Variants in NMNAT2 observed in about 807,000 individuals in gnomAD.
NMNAT2 encodes nicotinamide nucleotide adenylyltransferase 2.
A neutral mutation model predicts 41.6 loss-of-function variants in NMNAT2; 11 were observed. That is an observed-to-expected ratio of 0.26 (90% CI 0.17 to 0.44). NMNAT2 has a LOEUF of 0.44. Ranked by LOEUF, NMNAT2 falls within the 20% of genes least tolerant of loss-of-function variation. The pLI, the probability that NMNAT2 is intolerant of heterozygous loss-of-function variation, is 1.00. For synonymous variants in NMNAT2, 148 were observed against 151.2 expected (o/e 0.98, Z 0.16); for missense variants, 288 against 407.7 (o/e 0.71, Z 2.53).
At chr1:183,265,798 C>T (rs950981713) in intron 8 of NMNAT2, among the ~76,000 whole-genome samples, 10 of 152,090 alleles carry the variant, frequency 6.6e-5, no homozygotes, top group African/African-American at 1.9e-4. Context: ...ATCTCTGGAA[C>T]CTGTGAATAT....
chr1:183,386,930 C>A (rs1002657796), intron 1 of NMNAT2, among the ~76,000 whole-genome samples: 1 of 151,754 alleles, frequency 6.6e-6, no homozygotes, highest in Non-Finnish European at 1.5e-5. Flanking sequence ...TAGTTAAATG[C>A]GAAGATGTTT....
At chr1:183,372,211 C>T (rs1327523789) in intron 1 of NMNAT2, among the ~76,000 whole-genome samples, 1 of 152,174 alleles carries the variant, frequency 6.6e-6, no homozygotes, top group Non-Finnish European at 1.5e-5. Flanking sequence ...CAAGGGCGTG[C>T]CTCTCAAGGA....
At chr1:183,324,555 C>A (rs1662421774) in intron 1 of NMNAT2, among the ~76,000 whole-genome samples, 1 of 152,148 alleles carries the variant, frequency 6.6e-6, no homozygotes, top group South Asian at 2.1e-4. Context: ...TCAGTTCAAG[C>A]CTCTCTGCCA....
At chr1:183,344,564 G>A (rs995859232) in intron 1 of NMNAT2, among the ~76,000 whole-genome samples, 1 of 152,154 alleles carries the variant, frequency 6.6e-6, no homozygotes, top group Non-Finnish European at 1.5e-5. Flanking sequence ...CACTTAGTAG[G>A]TGCTTTATAA....
At chr1:183,351,913 G>A (rs1156281898) in intron 1 of NMNAT2, among the ~76,000 whole-genome samples, 1 of 152,150 alleles carries the variant, frequency 6.6e-6, no homozygotes. Flanking sequence ...TGTGATTTGT[G>A]AGGACATAAC....
rs376350446 is a variant in NMNAT2, at chr1:183,263,614, C to T, written c.652-2311G>A. 1.3e-4 allele frequency among the ~76,000 whole-genome samples: 20 copies of T among 152,144 alleles called. No homozygotes were observed. The East Asian group carries it at 2.7e-3, about 21-fold the overall frequency. ...CGGGTGGATCACGAGGTCAGGAGAT[C>T]GAGACCACGGTGAAACCCTGTCTCT... On this transcript the variant is annotated intron_variant, in intron 8 of 10. Coordinates refer to ENST00000287713, the MANE Select transcript of NMNAT2 (RefSeq NM_015039.4).
chr1:183,374,307 T>TCTGG (rs1011500264), intron 1 of NMNAT2, among the ~76,000 whole-genome samples: 1 of 152,158 alleles, frequency 6.6e-6, no homozygotes, highest in Non-Finnish European at 1.5e-5. Flanking sequence ...CCCCCCTGGC[T>TCTGG]CTGGGCACCT....
intron 7 of NMNAT2, among the ~76,000 whole-genome samples, chr1:183,280,952 ATTTTGTAT>A (rs1301943316): frequency 1.3e-5 from 2 of 149,462 alleles, no homozygotes; most frequent in Non-Finnish European, 3.0e-5. Flanking sequence ...CACCCGGCTA[ATTTTGTAT>A]TTTTAGTAGA....
At chr1:183,262,842 G>C (rs566387155) in intron 8 of NMNAT2, among the ~76,000 whole-genome samples, 2 of 152,192 alleles carry the variant, frequency 1.3e-5, no homozygotes, top group Non-Finnish European at 1.5e-5. Flanking sequence ...GATCCCAGAT[G>C]GGGGAAGAGG....
intron 10 of NMNAT2, among the ~76,000 whole-genome samples, chr1:183,259,240 G>T (rs79157659): frequency 6.6e-6 from 1 of 152,112 alleles, no homozygotes; most frequent in East Asian, 1.9e-4. Context: ...TCTGCATGGC[G>T]ACTCTAATGT....
chr1:183,288,558 G>C (rs927930976), intron 4 of NMNAT2, among the ~76,000 whole-genome samples: 1 of 152,196 alleles, frequency 6.6e-6, no homozygotes, highest in Admixed American at 6.5e-5. Context: ...CAGGAAGCCC[G>C]GGCATTTAGA....
intron 1 of NMNAT2, among the ~76,000 whole-genome samples, chr1:183,361,939 T>C (rs1663315042): frequency 6.6e-6 from 1 of 152,154 alleles, no homozygotes; most frequent in Admixed American, 6.5e-5. Flanking sequence ...GTGATAACTT[T>C]ATTTGTTTAT....
rs530254163 is a variant in NMNAT2, at chr1:183,394,470, A to C, written c.85+23713T>G. Among the ~76,000 whole-genome samples, 176 of 152,308 alleles carry C rather than the reference A, an allele frequency of 1.2e-3. 1 individual carries two copies. The highest frequency in any genetic ancestry group is 3.7e-3 in the African/African-American group (154 of 41,564). On this transcript the variant is annotated intron_variant, in intron 1 of 10. Coordinates refer to ENST00000287713, the MANE Select transcript of NMNAT2 (RefSeq NM_015039.4). ...TAAGCAAATTAATGACTTCTTTTCC[A>C]ACTGCAAATTTGATTATTTTCTATT... is the stretch of plus-strand genomic sequence containing the variant.
chr1:183,322,468 C>A (rs530786981), intron 1 of NMNAT2, among the ~76,000 whole-genome samples: 1 of 152,158 alleles, frequency 6.6e-6, no homozygotes, highest in African/African-American at 2.4e-5. Context: ...TCATCTAGAA[C>A]GATCCTCCTC....
intron 1 of NMNAT2, among the ~76,000 whole-genome samples, chr1:183,404,578 G>A (rs1648903042): frequency 6.6e-6 from 1 of 152,160 alleles, no homozygotes; most frequent in African/African-American, 2.4e-5. Context: ...GGCTTTGAAG[G>A]GAAAGAGAAC....
intron 1 of NMNAT2, among the ~76,000 whole-genome samples, chr1:183,294,742 A>T (rs941264673): frequency 6.6e-6 from 1 of 152,272 alleles, no homozygotes; most frequent in East Asian, 1.9e-4. Flanking sequence ...GTGAGCTGAG[A>T]TCGTGCCACT....
At chr1:183,340,879 A>T (rs1286188881) in intron 1 of NMNAT2, among the ~76,000 whole-genome samples, 2 of 152,218 alleles carry the variant, frequency 1.3e-5, no homozygotes, top group East Asian at 3.8e-4. Context: ...GATTTATACG[A>T]AGGGTGGGGT....
intron 1 of NMNAT2, among the ~76,000 whole-genome samples, chr1:183,390,100 G>C (rs988222705): frequency 3.9e-5 from 6 of 152,054 alleles, no homozygotes; most frequent in African/African-American, 1.4e-4. Context: ...CTACACTACT[G>C]TGGGCAGCAG....
chr1:183,403,179 C>A (rs369487950), intron 1 of NMNAT2, among the ~76,000 whole-genome samples: 299 of 152,242 alleles, frequency 2.0e-3, no homozygotes, highest in African/African-American at 6.8e-3. Context: ...GGTGATCCAC[C>A]TGCCTTGGCC....
Sources: allele counts gnomAD v4.1 joint callset (sites outside exome capture counted in the v4.1 genomes callset), GRCh38; gene constraint gnomAD v4.1.1; transcripts MANE v1.5; gene names NCBI Gene and HGNC (gene_info 2026-07-23, HGNC 2026-07-21).